Variants in ASPSCR1 observed in about 807,000 individuals in gnomAD.
ASPSCR1 encodes the protein ASPSCR1 tether for SLC2A4, UBX domain containing, also known as tether containing UBX domain for GLUT4.
Under a neutral mutation model 68.9 loss-of-function variants are expected in ASPSCR1, and 55 were observed. The ratio of observed to expected loss-of-function variants is 0.80; its 90% CI spans 0.64 to 1.00. The LOEUF is 1.00. Among genes scored for constraint, ASPSCR1 ranks in the 50% least tolerant of loss-of-function variants. The probability of loss-of-function intolerance (pLI) is 0.00; values close to 1 mark genes in which losing one functional copy is unlikely to be tolerated. For synonymous variants in ASPSCR1, 352 were observed against 332.6 expected (o/e 1.06, Z -0.63); for missense variants, 765 against 762.2 (o/e 1.00, Z -0.04).
At position 82,016,522 on chromosome 17, in the gene ASPSCR1, C is replaced by G. The variant is rs575908489; in HGVS notation, c.1400C>G (p.Pro467Arg). The G allele has an allele frequency of 6.5e-7, 1 of 1,549,232 alleles. No homozygotes were observed. The highest frequency in any genetic ancestry group is 8.7e-7 in the Non-Finnish European group (1 of 1,147,054). Reference protein sequence around the residue: ...AALVHLGAEEPAGVYLEPGLL... With the variant: ...AALVHLGAEERAGVYLEPGLL... ...CTGGTGCACTTGGGAGCCGAGGAGCCGGCAGGTGAGTGTCAGTGGTTGGGG... is the reference window on the plus strand; with the variant it reads ...CTGGTGCACTTGGGAGCCGAGGAGCGGGCAGGTGAGTGTCAGTGGTTGGGG... Residue 467 changes from proline to arginine, a missense_variant, in exon 13 of 16, where the codon CCG becomes CGG. Physicochemically the swap from Pro to Arg is moderately radical, Grantham distance 103. Coordinates refer to ENST00000306739, the MANE Select transcript of ASPSCR1 (RefSeq NM_024083.4).
At chr17:82,004,478 T>C (rs74002718) in intron 7 of ASPSCR1, 37 of 152,436 alleles carry the variant, frequency 2.4e-4, no homozygotes, top group African/African-American at 8.4e-4. Flanking sequence ...GGCAGAAGCA[T>C]GCAGGGGCTT....
chr17:81,997,487 GTT>G (rs774654669), intron 7 of ASPSCR1, among the ~76,000 whole-genome samples: 9 of 135,892 alleles, frequency 6.6e-5, no homozygotes, highest in Non-Finnish European at 1.1e-4. Flanking sequence ...TTTTTTCTGG[GTT>G]TTTTTTTTTT....
Position 82,009,748 on chromosome 17 carries a change from T to C in ASPSCR1, c.1170+181T>C, listed in dbSNP as rs12944349. Among the ~76,000 whole-genome samples the C allele has an allele frequency of 1.4e-3, 190 of 131,860 alleles. 1 individual carries two copies. The highest frequency in any genetic ancestry group is 5.3e-3 in the African/African-American group (179 of 33,896). 86.5% of individuals were successfully genotyped at this position (131,860 alleles called of 152,430 possible). A position where few individuals can be genotyped will look rare whatever the true frequency, so the allele number is the denominator to read the frequency against. ...GCGGGCCCCCTGTGAGGTCTGTGGA[T>C]GGGACGTGGGGGCGACTGAGGTACA... is the stretch of plus-strand genomic sequence containing the variant. On this transcript the variant is annotated intron_variant, in intron 9 of 15. Coordinates refer to ENST00000306739, the MANE Select transcript of ASPSCR1 (RefSeq NM_024083.4).
intron 7 of ASPSCR1, chr17:82,005,861 C>T (rs895492310): frequency 3.3e-5 from 5 of 152,268 alleles, no homozygotes; most frequent in Admixed American, 6.5e-5. Context: ...GTGGGAAAAC[C>T]GTCCGGGTAC....
Position 81,996,802 on chromosome 17 carries a change from C to G in ASPSCR1, c.889C>G (p.Gln297Glu). The G allele has an allele frequency of 6.2e-7, 1 of 1,609,254 alleles. No homozygotes were observed. The highest frequency in any genetic ancestry group is 8.5e-7 in the Non-Finnish European group (1 of 1,178,650). The change falls in exon 7 of 16, where the codon CAG becomes GAG. Residue 297 changes from glutamine (Q) to glutamate (E), a missense_variant. Transcript: ENST00000306739. ...CCAGGATCCCCAGCAGGAGCAGGAG[C>G]AGGAGCGGGAGCGGGATCCCCAGCA... ...SGQDPQQEQEQERERDPQQEQ... is the reference protein window; with the variant it reads ...SGQDPQQEQEEERERDPQQEQ...
Position 81,977,729 on chromosome 17 carries a change from CG to C in ASPSCR1, c.84del (p.Ser29AlafsTer24). The C allele has an allele frequency of 7.7e-7, 1 of 1,295,116 alleles. No homozygotes were observed. The highest frequency in any genetic ancestry group is 9.8e-7 in the Non-Finnish European group (1 of 1,016,470). 80.2% of individuals were successfully genotyped at this position (1,295,116 alleles called of 1,614,324 possible). A position where few individuals can be genotyped will look rare whatever the true frequency, so the allele number is the denominator to read the frequency against. On this transcript the variant is annotated frameshift_variant, in exon 1 of 16. Transcript: ENST00000306739. LOFTEE classifies it high-confidence loss of function. The surrounding 1 kb of genome is among the most constrained non-coding windows in gnomAD (Gnocchi z 5.0). ...NGRRHTVKVTPSTVLLQVLED... is the reference protein window; with the variant it reads ...NGRRHTVKVTXSTVLLQVLED... ...CGGCGCCACACGGTGAAGGTGACGCCGAGCACCGTGCTGCTTCAGGTGCGGC... is the reference window on the plus strand; with the variant it reads ...CGGCGCCACACGGTGAAGGTGACGCCAGCACCGTGCTGCTTCAGGTGCGGC...
In ASPSCR1 at chr17:81,977,744, T is replaced by C; in HGVS notation, c.98T>C (p.Leu33Pro). 2 of 1,238,918 alleles carry C rather than the reference T, an allele frequency of 1.6e-6. No homozygotes were observed. Among genetic ancestry groups the C allele is most frequent in the Non-Finnish European group, 2.0e-6 (2 of 989,470 alleles). 76.7% of individuals were successfully genotyped at this position (1,238,918 alleles called of 1,614,324 possible). A position where few individuals can be genotyped will look rare whatever the true frequency, so the allele number is the denominator to read the frequency against. The change falls in exon 1 of 16, where the codon CTT becomes CCT. Residue 33 changes from leucine to proline, a missense_variant. By Grantham distance (98) the Leu-to-Pro change is moderately conservative. Transcript: ENST00000306739. This position sits in a 1 kb window ranked among gnomAD's most constrained non-coding sequence, Gnocchi z 5.0. ...TVKVTPSTVL[L>P]QVLEDTCRRQ... is the part of the protein sequence containing the mutation. ...AAGGTGACGCCGAGCACCGTGCTGC[T>C]TCAGGTGCGGCCGCCCGCCCGGGGC...
Position 81,987,544 on chromosome 17 carries a change from G to A in ASPSCR1, c.374+1937G>A, listed in dbSNP as rs1220334315. Among the ~76,000 whole-genome samples, 1 of 152,224 alleles carries A rather than the reference G, an allele frequency of 6.6e-6. No individual in the cohort carries two copies. The highest frequency in any genetic ancestry group is 2.4e-5 in the African/African-American group (1 of 41,458). On this transcript the variant is annotated intron_variant, in intron 4 of 15. Transcript: ENST00000306739. This position sits in a 1 kb window ranked among gnomAD's most constrained non-coding sequence, Gnocchi z 5.6. ...GCTGTGCTGTCAGTCCTCAGATGGGGATGGAGGTAAGGAAATGGCCCAGAG... is the reference window on the plus strand; with the variant it reads ...GCTGTGCTGTCAGTCCTCAGATGGGAATGGAGGTAAGGAAATGGCCCAGAG...
intron 7 of ASPSCR1, among the ~76,000 whole-genome samples, chr17:82,003,597 C>T (rs1465252972): frequency 4.6e-5 from 7 of 152,244 alleles, no homozygotes; most frequent in Admixed American, 2.0e-4. Context: ...GATTCGAGGC[C>T]TGATGCCTCT....
chr17:81,992,145 G>A (rs1567965944), intron 4 of ASPSCR1, among the ~76,000 whole-genome samples: 1 of 152,366 alleles, frequency 6.6e-6, no homozygotes, highest in African/African-American at 2.4e-5. Flanking sequence ...TTCTGGCTTC[G>A]GAGCATGGTG....
chr17:81,993,573 T>G (rs2042241631), intron 4 of ASPSCR1, among the ~76,000 whole-genome samples: 1 of 152,208 alleles, frequency 6.6e-6, no homozygotes, highest in Admixed American at 6.5e-5. Flanking sequence ...GAGTGCACAG[T>G]GGACCCCTGC....
At chr17:81,989,604 C>T (rs1487503458) in intron 4 of ASPSCR1, among the ~76,000 whole-genome samples, 1 of 152,162 alleles carries the variant, frequency 6.6e-6, no homozygotes, top group African/African-American at 2.4e-5. Context: ...TGTAGCGTGC[C>T]CAGGAGTTGC....
At chr17:82,010,528 C>T (rs953271729) in intron 9 of ASPSCR1, among the ~76,000 whole-genome samples, 1 of 57,182 alleles carries the variant, frequency 1.7e-5, no homozygotes, top group Non-Finnish European at 3.6e-5. Context: ...GACTCCATCT[C>T]AAAAAAAAAA....
In ASPSCR1 at chr17:82,016,933, C is replaced by G. The variant is rs754892182; in HGVS notation, c.1476-8C>G. On this transcript the variant is annotated splice_polypyrimidine_tract_variant and splice_region_variant and intron_variant, in intron 14 of 15. Coordinates refer to ENST00000306739, the MANE Select transcript of ASPSCR1 (RefSeq NM_024083.4). The stretch of plus-strand genomic sequence containing the variant: ...CACTCACCACTCTGTGTCTTCGCCT[C>G]CCCACAGGTACATGTCCAGGGCCGC... 2.2e-5 allele frequency: 35 copies of G among 1,610,778 alleles called. No homozygotes were observed. Among genetic ancestry groups the G allele is most frequent in the Non-Finnish European group, 2.2e-5 (26 of 1,178,546 alleles).
intron 7 of ASPSCR1, among the ~76,000 whole-genome samples, chr17:82,001,285 C>T (rs1317870193): frequency 6.6e-6 from 1 of 152,068 alleles, no homozygotes; most frequent in Admixed American, 6.6e-5. Flanking sequence ...GGCTCCTGCC[C>T]CTGGACCCTG....
At chr17:82,014,742 C>T in intron 12 of ASPSCR1, 1 of 397,886 alleles carries the variant, frequency 2.5e-6, no homozygotes, top group Non-Finnish European at 4.6e-6. Flanking sequence ...AGAGTTGCTG[C>T]CCCGTGGGGG....
chr17:81,995,261 G>A (rs1453700522), intron 5 of ASPSCR1: 2 of 394,392 alleles, frequency 5.1e-6, no homozygotes, highest in African/African-American at 2.1e-5. Context: ...TTGTTTCCAC[G>A]CTGGCTGAGT....
At chr17:82,016,623 C>G (rs963000312) in intron 13 of ASPSCR1, 96 bp downstream of exon 13, 55 of 1,507,680 alleles carry the variant, frequency 3.6e-5, no homozygotes, top group Non-Finnish European at 4.4e-5. Flanking sequence ...TCTGGGGCCT[C>G]CTTTGGGTCT....
intron 4 of ASPSCR1, 61 bp from the exon 5 acceptor site, chr17:81,994,760 C>A: frequency 6.5e-7 from 1 of 1,540,476 alleles, no homozygotes; most frequent in Non-Finnish European, 9.0e-7. Flanking sequence ...TGCCCCAGGG[C>A]CTCCGTGGCA....
Sources: gnomAD v4.1 joint callset for allele counts (sites outside exome capture counted in the v4.1 genomes callset) on GRCh38, gnomAD v4.1.1 for gene constraint, Gnocchi (gnomAD v3.1) non-coding constraint, MANE v1.5 for transcripts, NCBI Gene and HGNC (gene_info 2026-07-23, HGNC 2026-07-21) for gene names.